ENY2: variants seen among roughly 807,000 people sequenced by gnomAD.
ENY2 encodes the protein ENY2 transcription and export complex 2 subunit.
A neutral mutation model predicts 15.9 loss-of-function variants in ENY2; 4 were observed. The observed-to-expected ratio is 0.25, with a 90% CI of 0.12 to 0.57. ENY2 has a LOEUF of 0.57. Among genes scored for constraint, ENY2 ranks in the 20% least tolerant of loss-of-function variants. The pLI is 0.91. For missense variants in ENY2, 54 were observed against 117.2 expected, an observed-to-expected ratio of 0.46 and a Z score of 2.49; for synonymous variants, 48 against 38.0, an observed-to-expected ratio of 1.26 and a Z score of -0.97.
rs562639905 is a variant in ENY2 at position 109,336,166 on chromosome 8, G to A, written c.45G>A (p.Ala15=). 1.2e-5 allele frequency: 20 copies of A among 1,613,406 alleles called. No individual in the cohort carries two copies. The highest frequency in any genetic ancestry group is 1.6e-4 in the Middle Eastern group (1 of 6,082). ...KMNKDAQMRA[A]INQKLIETGE... ...ACAAAGATGCGCAGATGAGAGCAGC[G>A]ATTAACCAAAAGTTGATAGAAACTG... Residue 15 remains alanine (A), a synonymous_variant, in exon 2 of 5, where the codon GCG becomes GCA. Coordinates refer to ENST00000521688, the MANE Select transcript of ENY2 (RefSeq NM_020189.6).
At chr8:109,338,966 G>C in intron 2 of ENY2, 1 of 196,376 alleles carries the variant, frequency 5.1e-6, no homozygotes, top group Non-Finnish European at 1.0e-5. Flanking sequence ...GCTGCTCCAG[G>C]TTCAGTTAAT....
intron 3 of ENY2, 193 bp from the exon 4 acceptor site, chr8:109,340,292 GACTT>G (rs1460264493): frequency 1.4e-5 from 9 of 641,256 alleles, no homozygotes; most frequent in African/African-American, 1.8e-5. Flanking sequence ...ATTTAGCTGA[GACTT>G]ACGAACAACT....
In ENY2 at chr8:109,335,927, A is replaced by T. The variant is rs1465971304; in HGVS notation, c.7-201A>T. 20 of 409,816 alleles carry T rather than the reference A, an allele frequency of 4.9e-5. No individual in the cohort carries two copies. In the East Asian group the frequency reaches 7.2e-4, roughly 15 times the overall value. 25.4% of individuals were successfully genotyped at this position (409,816 alleles called of 1,614,324 possible). Reference sequence around the variant, plus strand: ...TTCTGGGAATTAAATGTGATGTTTAAAAAAAAGCAAACCCACACTGCATTA... The same window carrying T: ...TTCTGGGAATTAAATGTGATGTTTATAAAAAAGCAAACCCACACTGCATTA... On this transcript the variant is annotated intron_variant, in intron 1 of 4. Transcript: ENST00000521688.
intron 2 of ENY2, among the ~76,000 whole-genome samples, chr8:109,337,913 T>G (rs1025949985): frequency 6.0e-5 from 9 of 150,640 alleles, no homozygotes; most frequent in Admixed American, 4.6e-4. Context: ...AAAAAAAAAA[T>G]CAGAAGGATA....
chr8:109,342,688 A>G (rs529991465), intron 4 of ENY2: 2 of 697,202 alleles, frequency 2.9e-6, no homozygotes, highest in Non-Finnish European at 5.2e-6. Context: ...TATTTTTTGT[A>G]GAGACAGGTT....
At position 109,336,166 on chromosome 8, in the gene ENY2, G is replaced by T. The variant is rs562639905; in HGVS notation, c.45G>T (p.Ala15=). 9 of 1,613,524 alleles carry T rather than the reference G, an allele frequency of 5.6e-6. No individual in the cohort carries two copies. In the South Asian group the frequency reaches 9.9e-5, roughly 18 times the overall value. The change falls in exon 2 of 5, where the codon GCG becomes GCT. Residue 15 remains alanine (A), a synonymous_variant. Transcript: ENST00000521688. Reference sequence around the variant, plus strand: ...ACAAAGATGCGCAGATGAGAGCAGCGATTAACCAAAAGTTGATAGAAACTG... The same window carrying T: ...ACAAAGATGCGCAGATGAGAGCAGCTATTAACCAAAAGTTGATAGAAACTG... ...KMNKDAQMRA[A]INQKLIETGE...
chr8:109,336,346 A>C, intron 2 of ENY2, 142 bp downstream of exon 2: 1 of 767,540 alleles, frequency 1.3e-6, no homozygotes, highest in Admixed American at 2.8e-5. Flanking sequence ...CATCTGGAAA[A>C]AATAATTTAG....
intron 4 of ENY2, chr8:109,342,777 G>A: frequency 2.9e-6 from 2 of 693,822 alleles, no homozygotes; most frequent in Non-Finnish European, 5.3e-6. Context: ...CTGCTGGGAT[G>A]ACAGGCGTGA....
Position 109,344,412 on chromosome 8 carries a change from G to A in ENY2, c.*931G>A, listed in dbSNP as rs1258950228. ...CCTGAGCAAATCCCAGGAAACTTGC[G>A]TCAGACCGTGACTTCAAATACAGGT... On this transcript the variant is annotated 3_prime_UTR_variant, in exon 5 of 5. Transcript: ENST00000521688. The A allele has an allele frequency of 3.3e-5, 5 of 152,140 alleles. No individual in the cohort carries two copies. The highest frequency in any genetic ancestry group is 4.8e-5 in the African/African-American group (2 of 41,390). The allele number at this position is 152,140 out of a possible 1,614,324, so 9.4% of individuals were successfully genotyped here.
At chr8:109,339,633 A>G (rs1218482281) in intron 3 of ENY2, 3 of 413,154 alleles carry the variant, frequency 7.3e-6, no homozygotes, top group South Asian at 5.9e-5. Context: ...ATGGAATCTC[A>G]TGTCTTTCAG....
At chr8:109,336,285 CAT>C (rs970213724) in intron 2 of ENY2, 81 bp downstream of exon 2, 4 of 1,130,314 alleles carry the variant, frequency 3.5e-6, no homozygotes, top group Non-Finnish European at 5.1e-6. Flanking sequence ...AGAAATGAAA[CAT>C]GTCACTGGAA....
intron 2 of ENY2, among the ~76,000 whole-genome samples, chr8:109,338,154 GAGA>G (rs933528246): frequency 6.6e-6 from 1 of 152,152 alleles, no homozygotes; most frequent in African/African-American, 2.4e-5. Context: ...TGAGCAGCAG[GAGA>G]AGAACTAAGT....
At chr8:109,336,846 C>T (rs370165780) in intron 2 of ENY2, among the ~76,000 whole-genome samples, 2 of 152,128 alleles carry the variant, frequency 1.3e-5, no homozygotes, top group East Asian at 3.9e-4. Flanking sequence ...GCAGAATCAA[C>T]AGGTTTAGAA....
chr8:109,345,073 C>T lies in ENY2; in HGVS notation c.*1592C>T, dbSNP rs1816212776. On this transcript the variant is annotated 3_prime_UTR_variant, in exon 5 of 5. Coordinates refer to ENST00000521688, the MANE Select transcript of ENY2 (RefSeq NM_020189.6). ...TAAGTACCTTTGAACCCAGAAGCCC[C>T]CTTTCTCATATGTTTCTCATTCCTG... 2 of 152,162 alleles carry T rather than the reference C, an allele frequency of 1.3e-5. No individual in the cohort carries two copies. Among genetic ancestry groups the T allele is most frequent in the Non-Finnish European group, 1.5e-5 (1 of 68,038 alleles). The allele number at this position is 152,162 out of a possible 1,614,324, so 9.4% of individuals were successfully genotyped here.
At chr8:109,340,068 A>G (rs1024361598) in intron 3 of ENY2, among the ~76,000 whole-genome samples, 2 of 152,038 alleles carry the variant, frequency 1.3e-5, no homozygotes, top group East Asian at 3.9e-4. Context: ...GGGCTGGATG[A>G]CTTATTTAAG....
intron 1 of ENY2, chr8:109,335,487 T>C (rs1586324227): frequency 6.6e-6 from 1 of 151,534 alleles, no homozygotes; most frequent in Non-Finnish European, 1.5e-5. Flanking sequence ...CTCAGCCTCC[T>C]GAGTAGCTGG....
chr8:109,339,063 C>T (rs531351619), intron 2 of ENY2: 1 of 505,944 alleles, frequency 2.0e-6, no homozygotes, highest in Non-Finnish European at 3.5e-6. Context: ...AATAGAGCTT[C>T]TTGAAAAGTA....
chr8:109,340,710 C>T, intron 4 of ENY2, 147 bp downstream of exon 4: 2 of 899,620 alleles, frequency 2.2e-6, no homozygotes, highest in Non-Finnish European at 3.3e-6. Context: ...CTACCTGCCT[C>T]CTAGCATAGT....
chr8:109,338,281 AG>A (rs1816035443), intron 2 of ENY2: 1 of 152,204 alleles, frequency 6.6e-6, no homozygotes, highest in Non-Finnish European at 1.5e-5. Context: ...GGTGAATTCT[AG>A]GTATATGTTT....
Sources: gnomAD v4.1 joint callset for allele counts (sites outside exome capture counted in the v4.1 genomes callset) on GRCh38, gnomAD v4.1.1 for gene constraint, MANE v1.5 for transcripts, NCBI Gene and HGNC (gene_info 2026-07-23, HGNC 2026-07-21) for gene names.